APP: variants seen among roughly 807,000 people sequenced by gnomAD.
APP encodes amyloid-beta precursor protein.
A neutral mutation model predicts 101.4 loss-of-function variants in APP; 31 were observed. That is an observed-to-expected ratio of 0.31 (90% CI 0.23 to 0.41). The LOEUF (loss-of-function observed/expected upper bound fraction) is 0.41, where lower values mean the gene tolerates loss of function less well. APP is among the 10% of genes least tolerant of loss of function. The pLI, the probability that APP is intolerant of heterozygous loss-of-function variation, is 1.00. For missense variants in APP, 839 were observed against 1,003.7 expected (o/e 0.84, Z 2.22); for synonymous variants, 366 against 364.4 (o/e 1.00, Z -0.05).
intron 11 of APP, among the ~76,000 whole-genome samples, chr21:25,963,995 T>A (rs2041689406): frequency 2.0e-5 from 3 of 152,200 alleles, no homozygotes. Context: ...ATTCTCACAC[T>A]CTCCCCCTTT....
chr21:25,965,324 A>G (rs2041752401), intron 11 of APP, among the ~76,000 whole-genome samples: 1 of 152,188 alleles, frequency 6.6e-6, no homozygotes. Flanking sequence ...ATCATCCGAA[A>G]AATGCCAACT....
chr21:26,130,685 T>C (rs1027233408), intron 1 of APP, among the ~76,000 whole-genome samples: 3 of 152,246 alleles, frequency 2.0e-5, no homozygotes, highest in Non-Finnish European at 4.4e-5. Flanking sequence ...TGGCTAAGCT[T>C]ACGCTAAGGG....
chr21:25,944,994 T>C (rs543304806), intron 13 of APP, among the ~76,000 whole-genome samples: 7 of 152,306 alleles, frequency 4.6e-5, no homozygotes, highest in East Asian at 1.9e-4. Context: ...TGGAACTGCA[T>C]TGGATCATCA....
At chr21:26,148,729 C>T (rs1047014938) in intron 1 of APP, among the ~76,000 whole-genome samples, 1 of 152,142 alleles carries the variant, frequency 6.6e-6, no homozygotes, top group Non-Finnish European at 1.5e-5. Flanking sequence ...TACAAAGAGG[C>T]TCAAAAATAA....
intron 15 of APP, among the ~76,000 whole-genome samples, chr21:25,901,323 A>AAAC (rs1415299377): frequency 1.6e-5 from 1 of 64,160 alleles, no homozygotes; most frequent in Admixed American, 2.3e-4. Flanking sequence ...AAAAAACAAA[A>AAAC]CCAAGAGCTC....
At chr21:25,985,019 T>C (rs1314813622) in intron 8 of APP, among the ~76,000 whole-genome samples, 1 of 152,122 alleles carries the variant, frequency 6.6e-6, no homozygotes, top group Non-Finnish European at 1.5e-5. Context: ...CACTGTCTAC[T>C]GTATAAAGGA....
intron 6 of APP, among the ~76,000 whole-genome samples, chr21:26,011,551 A>G (rs2043807558): frequency 2.6e-5 from 4 of 152,094 alleles, no homozygotes; most frequent in Admixed American, 2.0e-4. Flanking sequence ...ACATCCTACA[A>G]TGCACAGGAC....
chr21:26,106,229 C>T (rs1451897473), intron 2 of APP, among the ~76,000 whole-genome samples: 2 of 152,216 alleles, frequency 1.3e-5, no homozygotes, highest in South Asian at 2.1e-4. Context: ...AAAAGAGACC[C>T]TAATGGGGAA....
intron 13 of APP, among the ~76,000 whole-genome samples, chr21:25,913,775 C>G (rs2039201639): frequency 6.6e-6 from 1 of 152,308 alleles, no homozygotes; most frequent in East Asian, 1.9e-4. Context: ...TGTGACATCT[C>G]TGAATAACTC....
intron 5 of APP, among the ~76,000 whole-genome samples, chr21:26,027,360 C>T (rs1185887662): frequency 6.6e-6 from 1 of 152,150 alleles, no homozygotes; most frequent in Non-Finnish European, 1.5e-5. Context: ...GGTTCTCCTT[C>T]TCTCTGTCTC....
chr21:26,080,539 C>T (rs907110037), intron 3 of APP, among the ~76,000 whole-genome samples: 1 of 151,512 alleles, frequency 6.6e-6, no homozygotes, highest in African/African-American at 2.4e-5. Flanking sequence ...GAGGCTGAGG[C>T]GGGTGGATCA....
Position 25,960,362 on chromosome 21 carries a change from T to C in APP, c.1459-4607A>G, listed in dbSNP as rs187379781. On this transcript the variant is annotated intron_variant, in intron 11 of 17. Transcript: ENST00000346798. The stretch of plus-strand genomic sequence containing the variant: ...TTCCTGCAGACCTCCAGTAAACTTG[T>C]TCTTGGAGGCCTGTAGAGTTTCTTC... 7.9e-4 allele frequency among the ~76,000 whole-genome samples: 120 copies of C among 152,190 alleles called. 1 individual carries two copies. Among genetic ancestry groups the C allele is most frequent in the South Asian group, 2.1e-3 (10 of 4,814 alleles).
At chr21:26,072,182 A>C (rs2061422633) in intron 3 of APP, among the ~76,000 whole-genome samples, 1 of 152,256 alleles carries the variant, frequency 6.6e-6, no homozygotes, top group Non-Finnish European at 1.5e-5. Flanking sequence ...AACAGTTCTC[A>C]CGTGCAAAAG....
intron 1 of APP, among the ~76,000 whole-genome samples, chr21:26,150,014 G>A (rs1041096569): frequency 6.6e-5 from 10 of 152,144 alleles, no homozygotes; most frequent in Admixed American, 1.3e-4. Context: ...CAGCACATGA[G>A]GCCTTGCCAA....
intron 1 of APP, 132 bp downstream of exon 1, chr21:26,170,432 G>T: frequency 1.0e-6 from 1 of 969,586 alleles, no homozygotes; most frequent in Non-Finnish European, 1.5e-6. Context: ...GTCCGCAAGC[G>T]GGGGCGGAGA....
At chr21:25,985,850 G>A (rs771764253) in intron 8 of APP, among the ~76,000 whole-genome samples, 6 of 151,934 alleles carry the variant, frequency 3.9e-5, no homozygotes, top group Non-Finnish European at 7.4e-5. Flanking sequence ...ATCTCAATTA[G>A]TGTGAGTGAA....
At chr21:25,912,768 C>T (rs964439057) in intron 13 of APP, among the ~76,000 whole-genome samples, 5 of 152,126 alleles carry the variant, frequency 3.3e-5, no homozygotes, top group Admixed American at 2.0e-4. Context: ...CAAGAATCAG[C>T]TTTATGGAAC....
At chr21:26,039,652 A>G (rs546364756) in intron 5 of APP, among the ~76,000 whole-genome samples, 18 of 152,344 alleles carry the variant, frequency 1.2e-4, no homozygotes, top group African/African-American at 3.6e-4. Flanking sequence ...AACAATTTAC[A>G]TGACAAAACA....
intron 11 of APP, among the ~76,000 whole-genome samples, chr21:25,972,500 A>G (rs1164863743): frequency 0.01 from 1 of 98 alleles, no homozygotes; most frequent in African/African-American, 0.031. Context: ...TTTTTGGTCA[A>G]AGCCAAACAA....
Sources: gnomAD v4.1 joint callset for allele counts (sites outside exome capture counted in the v4.1 genomes callset) on GRCh38, gnomAD v4.1.1 for gene constraint, MANE v1.5 for transcripts, NCBI Gene and HGNC (gene_info 2026-07-23, HGNC 2026-07-21) for gene names.